Variants in CNOT2 observed in about 807,000 individuals in gnomAD.
CNOT2 encodes the protein CCR4-NOT transcription complex subunit 2, also known as CC chemokine receptor 4-negative regulator of transcription 2.
CNOT2 carries 7 observed loss-of-function variants against 72.1 expected under a neutral mutation model. That is an observed-to-expected ratio of 0.10 (90% confidence interval 0.06 to 0.18). The LOEUF (loss-of-function observed/expected upper bound fraction) is 0.18, where lower values mean the gene tolerates loss of function less well. Ranked by LOEUF, CNOT2 falls within the 10% of genes least tolerant of loss-of-function variation. The probability of loss-of-function intolerance (pLI) is 1.00; values close to 1 mark genes in which losing one functional copy is unlikely to be tolerated. For synonymous variants in CNOT2, 196 were observed against 225.6 expected (o/e 0.87, Z 1.17); for missense variants, 345 against 660.3 (o/e 0.52, Z 5.23).
intron 6 of CNOT2, chr12:70,331,202 A>G (rs1593252938): frequency 6.6e-6 from 1 of 151,940 alleles, no homozygotes; most frequent in East Asian, 1.9e-4. Flanking sequence ...ACCTTGATCT[A>G]GTTGTTATCA....
At chr12:70,269,803 T>A (rs1179719203) in intron 1 of CNOT2, among the ~76,000 whole-genome samples, 5 of 152,184 alleles carry the variant, frequency 3.3e-5, no homozygotes, top group Non-Finnish European at 1.5e-5. Context: ...TTTATGTACC[T>A]TCTGCATTCA....
At chr12:70,271,027 A>G (rs934345391) in intron 1 of CNOT2, among the ~76,000 whole-genome samples, 3 of 152,188 alleles carry the variant, frequency 2.0e-5, no homozygotes, top group Non-Finnish European at 4.4e-5. Flanking sequence ...ATTTTCTCAC[A>G]TATCTGGAGG....
At chr12:70,284,921 A>G (rs1055619317) in intron 2 of CNOT2, among the ~76,000 whole-genome samples, 2 of 152,232 alleles carry the variant, frequency 1.3e-5, no homozygotes, top group African/African-American at 4.8e-5. Flanking sequence ...ACTTATATTC[A>G]TATGATTATC....
intron 4 of CNOT2, chr12:70,322,804 A>G (rs1878503489): frequency 6.6e-6 from 1 of 151,764 alleles, no homozygotes; most frequent in African/African-American, 2.4e-5. Flanking sequence ...GCTATCAGCT[A>G]TGTAAATAGG....
intron 1 of CNOT2, among the ~76,000 whole-genome samples, chr12:70,273,372 T>TA (rs1868320023): frequency 6.6e-6 from 1 of 152,170 alleles, no homozygotes; most frequent in South Asian, 2.1e-4. Flanking sequence ...TTGAACCACT[T>TA]ATTCCAGTTA....
intron 3 of CNOT2, among the ~76,000 whole-genome samples, chr12:70,314,818 GC>G (rs1327988539): frequency 2.6e-5 from 4 of 151,156 alleles, no homozygotes; most frequent in African/African-American, 7.3e-5. Flanking sequence ...CTCCTCCCTT[GC>G]CCCTTTTCTC....
At chr12:70,338,916 A>G in intron 11 of CNOT2, 94 bp downstream of exon 11, 1 of 1,029,754 alleles carries the variant, frequency 9.7e-7, no homozygotes, top group Non-Finnish European at 1.4e-6. Context: ...ACCTACTGCT[A>G]CTCATTGTTA....
chr12:70,269,182 T>A (rs1339980529), intron 1 of CNOT2, among the ~76,000 whole-genome samples: 1 of 152,168 alleles, frequency 6.6e-6, no homozygotes, highest in Non-Finnish European at 1.5e-5. Context: ...TGTCACTAAT[T>A]AGCTGTGTGT....
intron 4 of CNOT2, among the ~76,000 whole-genome samples, chr12:70,329,156 T>G (rs1247767321): frequency 1.3e-5 from 2 of 151,962 alleles, no homozygotes; most frequent in African/African-American, 4.8e-5. Context: ...ATATTGTAAC[T>G]TGTTAGTCAT....
At chr12:70,245,020 A>C (rs1490059418) in intron 1 of CNOT2, among the ~76,000 whole-genome samples, 1 of 152,232 alleles carries the variant, frequency 6.6e-6, no homozygotes, top group African/African-American at 2.4e-5. Context: ...AATGCTTGGC[A>C]TAATTGACAA....
intron 8 of CNOT2, chr12:70,336,725 AT>A (rs1260275649): frequency 6.6e-5 from 10 of 151,664 alleles, no homozygotes; most frequent in African/African-American, 2.2e-4. Context: ...ACCTTTCCTC[AT>A]AGGTCCATTT....
chr12:70,327,294 C>T (rs375825644), intron 4 of CNOT2, among the ~76,000 whole-genome samples: 1 of 151,518 alleles, frequency 6.6e-6, no homozygotes, highest in Non-Finnish European at 1.5e-5. Context: ...GAGAGCAAGA[C>T]GTGGAGATTT....
intron 2 of CNOT2, among the ~76,000 whole-genome samples, chr12:70,289,545 T>C (rs1385135689): frequency 6.6e-6 from 1 of 152,188 alleles, no homozygotes; most frequent in Admixed American, 6.5e-5. Context: ...CTGTCTTCAC[T>C]GTCCTTTGAG....
chr12:70,337,505 A>G lies in CNOT2; in HGVS notation c.892A>G (p.Ser298Gly). 6.2e-7 allele frequency: 1 copy of G among 1,611,466 alleles called. No individual in the cohort carries two copies. The highest frequency in any genetic ancestry group is 8.5e-7 in the Non-Finnish European group (1 of 1,178,220). ...AGATCCAACATCAAGTAATGATGAC[A>G]GTAAATCTGTAAGTAACTGAGAAGT... ...YKDPTSSNDD[S>G]KSNLNTSGKT... Residue 298 changes from serine (S) to glycine (G), a missense_variant, in exon 9 of 16, where the codon AGT (serine) becomes GGT (glycine). Coordinates refer to ENST00000229195, the MANE Select transcript of CNOT2 (RefSeq NM_014515.7).
At chr12:70,306,704 A>G (rs1462859758) in intron 2 of CNOT2, among the ~76,000 whole-genome samples, 1 of 152,226 alleles carries the variant, frequency 6.6e-6, no homozygotes, top group Non-Finnish European at 1.5e-5. Flanking sequence ...GCTTGAATAA[A>G]GCTGACAAAT....
chr12:70,255,668 C>G (rs561611984), intron 1 of CNOT2, among the ~76,000 whole-genome samples: 2 of 151,968 alleles, frequency 1.3e-5, no homozygotes, highest in Non-Finnish European at 2.9e-5. Flanking sequence ...ATTATTTAAT[C>G]GTGTACTGTA....
chr12:70,257,757 A>T (rs993953791), intron 1 of CNOT2, among the ~76,000 whole-genome samples: 1 of 152,068 alleles, frequency 6.6e-6, no homozygotes. Context: ...TCATTCCACC[A>T]CTAGATCATG....
chr12:70,261,422 C>T (rs749989373), intron 1 of CNOT2, among the ~76,000 whole-genome samples: 1 of 142,886 alleles, frequency 7.0e-6, no homozygotes, highest in Non-Finnish European at 1.5e-5. Context: ...TCACGCCATT[C>T]TCCTGCCTCG....
intron 1 of CNOT2, among the ~76,000 whole-genome samples, chr12:70,253,110 G>A (rs1224891941): frequency 6.6e-6 from 1 of 152,142 alleles, no homozygotes; most frequent in Non-Finnish European, 1.5e-5. Context: ...TCGTCATATT[G>A]CTCTGTCTGT....
Sources: allele counts gnomAD v4.1 joint callset (sites outside exome capture counted in the v4.1 genomes callset), GRCh38; gene constraint gnomAD v4.1.1; transcripts MANE v1.5; gene names NCBI Gene and HGNC (gene_info 2026-07-23, HGNC 2026-07-21).